Variants in MOXD1 observed in about 807,000 individuals in gnomAD.
MOXD1 encodes the protein monooxygenase DBH like 1.
Under a neutral mutation model 66.6 loss-of-function variants are expected in MOXD1, and 62 were observed. That is an observed-to-expected ratio of 0.93 (90% CI 0.76 to 1.15). The LOEUF (loss-of-function observed/expected upper bound fraction) is 1.15. Among genes scored for constraint, MOXD1 ranks in the 50% most tolerant of loss-of-function variants. The pLI is 0.00. For missense variants in MOXD1, 847 were observed against 754.6 expected (o/e 1.12, Z -1.44); for synonymous variants, 303 against 281.9 (o/e 1.07, Z -0.75).
intron 10 of MOXD1, among the ~76,000 whole-genome samples, chr6:132,298,927 A>C (rs1416869621): frequency 6.6e-6 from 1 of 152,108 alleles, no homozygotes; most frequent in Non-Finnish European, 1.5e-5. Context: ...CTAGCTATAC[A>C]CCCAAAGGAA....
In MOXD1 at chr6:132,346,432, T is replaced by C. The variant is rs947212051; in HGVS notation, c.664-17838A>G. On this transcript the variant is annotated intron_variant, in intron 4 of 11. Transcript: ENST00000367963. ...TGTAATAAATGGCCCATCTTTTTTT[T>C]CTAGCAGCAGGGGAATAACATCAAT... is the stretch of plus-strand genomic sequence containing the variant. Among the ~76,000 whole-genome samples the C allele has an allele frequency of 2.0e-5, 3 of 152,198 alleles. No homozygotes were observed. In the South Asian group the frequency reaches 6.2e-4, roughly 31 times the overall value.
At chr6:132,336,258 C>G (rs1775436005) in intron 4 of MOXD1, among the ~76,000 whole-genome samples, 1 of 152,138 alleles carries the variant, frequency 6.6e-6, no homozygotes, top group South Asian at 2.1e-4. Context: ...TTCCTGGCAC[C>G]CAGCTTTACA....
intron 4 of MOXD1, among the ~76,000 whole-genome samples, chr6:132,352,874 CATT>C (rs1775830606): frequency 6.6e-6 from 1 of 152,152 alleles, no homozygotes; most frequent in Admixed American, 6.5e-5. Flanking sequence ...GGCCTTTTAA[CATT>C]ATTTAATATC....
At position 132,326,597 on chromosome 6, in the gene MOXD1, A is replaced by G. The variant is rs73546011; in HGVS notation, c.946+1416T>C. Among the ~76,000 whole-genome samples, 897 of 152,258 alleles carry G rather than the reference A, an allele frequency of 5.9e-3. 12 individuals carry two copies. Among genetic ancestry groups the G allele is most frequent in the African/African-American group, 0.021 (868 of 41,566 alleles). On this transcript the variant is annotated intron_variant, in intron 6 of 11. Transcript: ENST00000367963. Reference sequence around the variant, plus strand: ...TAATCCCATTGTTATTGTGATGACAATTTTTATGTTTTATAGTCACATATG... The same window carrying G: ...TAATCCCATTGTTATTGTGATGACAGTTTTTATGTTTTATAGTCACATATG...
chr6:132,300,339 T>A (rs752605523), intron 10 of MOXD1, among the ~76,000 whole-genome samples: 37 of 152,234 alleles, frequency 2.4e-4, no homozygotes, highest in South Asian at 6.2e-4. Flanking sequence ...TTATTATATT[T>A]GCATACAATG....
chr6:132,349,618 T>A (rs1265976135), intron 4 of MOXD1, among the ~76,000 whole-genome samples: 5 of 151,624 alleles, frequency 3.3e-5, no homozygotes, highest in African/African-American at 4.8e-5. Flanking sequence ...AATGACTTAC[T>A]TTCCTCTGGG....
At position 132,372,997 on chromosome 6, in the gene MOXD1, C is replaced by A. The variant is rs780730372; in HGVS notation, c.412G>T (p.Asp138Tyr). The A allele has an allele frequency of 6.2e-7, 1 of 1,610,244 alleles. No individual in the cohort carries two copies. ...TCDINDKSIT[D>Y]STVRVIWAYH... Reference sequence around the variant, plus strand: ...GCCCAGATCACTCTCACAGTGCTATCCTGGGGATCAGACATGGGCATGATT... The same window carrying A: ...GCCCAGATCACTCTCACAGTGCTATACTGGGGATCAGACATGGGCATGATT... Residue 138 changes from aspartate to tyrosine, a missense_variant and splice_region_variant, in exon 3 of 12, where the codon GAT becomes TAT. Physicochemically the swap from Asp to Tyr is radical, Grantham distance 160. Coordinates refer to ENST00000367963, the MANE Select transcript of MOXD1 (RefSeq NM_015529.4).
rs1777016135 is a variant in MOXD1, at chr6:132,401,143, C to G, written c.264+20G>C. On this transcript the variant is annotated intron_variant, in intron 1 of 11. Transcript: ENST00000367963. Reference sequence around the variant, plus strand: ...GGGACCGGGCTCGGCCGGGCGGGCTCCGGGAGGAGACGCGCTTACCTGGAG... The same window carrying G: ...GGGACCGGGCTCGGCCGGGCGGGCTGCGGGAGGAGACGCGCTTACCTGGAG... 2.0e-6 allele frequency: 3 copies of G among 1,485,212 alleles called. No homozygotes were observed. The highest frequency in any genetic ancestry group is 2.1e-5 in the Admixed American group (1 of 47,014). 92.0% of individuals were successfully genotyped at this position (1,485,212 alleles called of 1,614,324 possible). A position where few individuals can be genotyped will look rare whatever the true frequency, so the allele number is the denominator to read the frequency against.
intron 4 of MOXD1, among the ~76,000 whole-genome samples, chr6:132,349,269 T>C (rs535796590): frequency 2.0e-5 from 3 of 150,604 alleles, no homozygotes; most frequent in Non-Finnish European, 3.0e-5. Context: ...CTTAGAATAA[T>C]AGTCTCCAGT....
At chr6:132,357,409 A>G (rs192241634) in intron 4 of MOXD1, among the ~76,000 whole-genome samples, 5 of 152,258 alleles carry the variant, frequency 3.3e-5, no homozygotes, top group South Asian at 2.1e-4. Context: ...AACACTTACA[A>G]TAAGAGTTTG....
intron 2 of MOXD1, 152 bp from the exon 3 acceptor site, chr6:132,373,149 T>C (rs1210349498): frequency 1.4e-6 from 1 of 707,132 alleles, no homozygotes; most frequent in African/African-American, 1.8e-5. Flanking sequence ...CTAATATTAA[T>C]TGCACAAATT....
rs754879261 is a variant in MOXD1, at chr6:132,372,993, C to A, written c.416G>T (p.Ser139Ile). 1 of 1,611,692 alleles carries A rather than the reference C, an allele frequency of 6.2e-7. No individual in the cohort carries two copies. The highest frequency in any genetic ancestry group is 8.5e-7 in the Non-Finnish European group (1 of 1,178,462). ...CDINDKSITDSTVRVIWAYHH... is the reference protein window; with the variant it reads ...CDINDKSITDITVRVIWAYHH... Reference sequence around the variant, plus strand: ...GTAGGCCCAGATCACTCTCACAGTGCTATCCTGGGGATCAGACATGGGCAT... The same window carrying A: ...GTAGGCCCAGATCACTCTCACAGTGATATCCTGGGGATCAGACATGGGCAT... The change falls in exon 3 of 12, where the codon AGC becomes ATC. Residue 139 changes from serine to isoleucine, a missense_variant. By Grantham distance (142) the Ser-to-Ile change is moderately radical. Transcript: ENST00000367963.
intron 4 of MOXD1, among the ~76,000 whole-genome samples, chr6:132,347,220 C>A (rs568645610): frequency 3.3e-5 from 5 of 152,114 alleles, no homozygotes; most frequent in Middle Eastern, 3.4e-3. Context: ...AGATTTGCAC[C>A]CTGGTCCAAC....
At chr6:132,373,642 C>T (rs1018565768) in intron 2 of MOXD1, among the ~76,000 whole-genome samples, 2 of 152,122 alleles carry the variant, frequency 1.3e-5, no homozygotes, top group African/African-American at 4.8e-5. Flanking sequence ...CAGATGAAAT[C>T]GGTTTCCATT....
chr6:132,306,203 A>G (rs1395620200), intron 10 of MOXD1, among the ~76,000 whole-genome samples: 9 of 152,094 alleles, frequency 5.9e-5, no homozygotes, highest in African/African-American at 1.7e-4. Context: ...CAGCACGAGA[A>G]TTTCATGAAG....
At chr6:132,392,388 C>T in intron 1 of MOXD1, 6 of 1,496,108 alleles carry the variant, frequency 4.0e-6, no homozygotes, top group Non-Finnish European at 5.4e-6. Context: ...CATGCAAATT[C>T]AACAGGCATA....
chr6:132,305,926 T>C (rs1582559326), intron 10 of MOXD1, among the ~76,000 whole-genome samples: 1 of 152,238 alleles, frequency 6.6e-6, no homozygotes, highest in African/African-American at 2.4e-5. Flanking sequence ...AAAAATATGC[T>C]GAAAATCCAA....
At chr6:132,308,638 C>A (rs978849954) in intron 10 of MOXD1, among the ~76,000 whole-genome samples, 6 of 152,074 alleles carry the variant, frequency 3.9e-5, no homozygotes, top group African/African-American at 7.2e-5. Flanking sequence ...ACTGGCAAAC[C>A]AAATCCAGCA....
At chr6:132,336,022 GCC>G (rs1775428245) in intron 4 of MOXD1, among the ~76,000 whole-genome samples, 1 of 152,062 alleles carries the variant, frequency 6.6e-6, no homozygotes, top group African/African-American at 2.4e-5. Context: ...GGTTACTAGC[GCC>G]CTTTTGAACA....
Sources: gnomAD v4.1 joint callset for allele counts (sites outside exome capture counted in the v4.1 genomes callset) on GRCh38, gnomAD v4.1.1 for gene constraint, MANE v1.5 for transcripts, NCBI Gene and HGNC (gene_info 2026-07-23, HGNC 2026-07-21) for gene names.